Variants in FSD1L observed in about 807,000 individuals in gnomAD.
FSD1L encodes the protein fibronectin type III and SPRY domain containing 1 like.
FSD1L carries 45 observed loss-of-function variants against 71.6 expected under a neutral mutation model. The observed-to-expected ratio is 0.63, with a 90% CI of 0.49 to 0.81. The LOEUF (loss-of-function observed/expected upper bound fraction) is 0.81. FSD1L is among the 30% of genes least tolerant of loss of function. FSD1L has a pLI of 0.00. For synonymous variants in FSD1L, 197 were observed against 207.2 expected, an observed-to-expected ratio of 0.95 and a Z score of 0.42; for missense variants, 561 against 618.1, an observed-to-expected ratio of 0.91 and a Z score of 0.98.
At chr9:105,536,862 C>T (rs1376958110) in intron 12 of FSD1L, among the ~76,000 whole-genome samples, 2 of 152,132 alleles carry the variant, frequency 1.3e-5, no homozygotes, top group Non-Finnish European at 2.9e-5. Flanking sequence ...GTCTCAAACT[C>T]CTGACCTCAA....
upstream of FSD1L, among the ~76,000 whole-genome samples, chr9:105,446,120 A>G (rs1196390121): frequency 6.7e-6 from 1 of 150,086 alleles, no homozygotes; most frequent in African/African-American, 2.4e-5. Context: ...AAAAAATCAC[A>G]GTACAGTCAG....
chr9:105,476,903 A>G (rs1176508468), intron 5 of FSD1L, among the ~76,000 whole-genome samples: 1 of 152,234 alleles, frequency 6.6e-6, no homozygotes, highest in Non-Finnish European at 1.5e-5. Context: ...TTGCATTTAT[A>G]CAATATATAT....
chr9:105,536,398 T>C (rs1836265522), intron 12 of FSD1L, among the ~76,000 whole-genome samples: 1 of 152,176 alleles, frequency 6.6e-6, no homozygotes, highest in South Asian at 2.1e-4. Flanking sequence ...CTTTATAATC[T>C]CCTATGGCTG....
At chr9:105,524,278 T>G in intron 10 of FSD1L, 1 of 1,612,702 alleles carries the variant, frequency 6.2e-7, no homozygotes, top group South Asian at 1.1e-5. Context: ...ATGCTTCACA[T>G]GCTGGTTCAT....
intron 8 of FSD1L, 22 bp downstream of exon 8, chr9:105,506,630 ACT>A (rs1182924119): frequency 7.1e-7 from 1 of 1,403,730 alleles, no homozygotes; most frequent in Middle Eastern, 1.7e-4. Flanking sequence ...GCATTTTAGG[ACT>A]CTCATTCTCA....
upstream of FSD1L, among the ~76,000 whole-genome samples, chr9:105,444,924 A>T (rs1588888909): frequency 1.3e-5 from 2 of 152,362 alleles, no homozygotes; most frequent in South Asian, 4.1e-4. Flanking sequence ...AGATCCAGGG[A>T]TAAGGCTGGA....
chr9:105,520,154 C>T (rs909455410), intron 10 of FSD1L: 57 of 1,609,258 alleles, frequency 3.5e-5, no homozygotes, highest in African/African-American at 8.0e-5. Context: ...CGCACGGGGA[C>T]GTGAAGAAGT....
chr9:105,507,187 TTTTACTGTTTCAAGATTACC>T (rs1055624043), intron 8 of FSD1L, among the ~76,000 whole-genome samples: 1 of 152,232 alleles, frequency 6.6e-6, no homozygotes, highest in African/African-American at 2.4e-5. Flanking sequence ...ATACTGTAGC[TTTTACTGTTTCAAGATTACC>T]TTCATGTTAA....
chr9:105,469,582 C>G (rs974824550), intron 4 of FSD1L, among the ~76,000 whole-genome samples: 1 of 150,522 alleles, frequency 6.6e-6, no homozygotes, highest in African/African-American at 2.4e-5. Context: ...AGAGAAGTGT[C>G]TATTCAGGTT....
At position 105,478,933 on chromosome 9, in the gene FSD1L, C is replaced by A. The variant is rs114293660; in HGVS notation, c.442-421C>A. On this transcript the variant is annotated intron_variant, in intron 5 of 13. Coordinates refer to ENST00000481272, the MANE Select transcript of FSD1L (RefSeq NM_001145313.3). ...ACGATTATGAAGTAGTGAAAGAGAT[C>A]TCTGAAGAAAAATTAGAGAGTAAAT... 5.4e-3 allele frequency among the ~76,000 whole-genome samples: 822 copies of A among 152,276 alleles called. 5 individuals are homozygous for A. The highest frequency in any genetic ancestry group is 0.019 in the African/African-American group (785 of 41,546).
At chr9:105,494,350 A>G (rs1454185848) in intron 7 of FSD1L, among the ~76,000 whole-genome samples, 4 of 152,222 alleles carry the variant, frequency 2.6e-5, no homozygotes, top group African/African-American at 9.6e-5. Context: ...TTTCAGCTCC[A>G]TCAGCTCCTT....
In FSD1L at chr9:105,540,934, A is replaced by G. The variant is rs116453033; in HGVS notation, c.1467+1583A>G. Among the ~76,000 whole-genome samples the G allele has an allele frequency of 8.3e-3, 1,264 of 152,228 alleles. 20 individuals are homozygous for G. Among genetic ancestry groups the G allele is most frequent in the African/African-American group, 0.029 (1,208 of 41,550 alleles). ...CCGTGGGGAGTTGTGGGATCCAGTT[A>G]AAGTTACCATTACTTTGGCTAGAGC... On this transcript the variant is annotated intron_variant, in intron 13 of 13. Coordinates refer to ENST00000481272, the MANE Select transcript of FSD1L (RefSeq NM_001145313.3).
intron 13 of FSD1L, among the ~76,000 whole-genome samples, chr9:105,545,696 C>T (rs1371738070): frequency 6.6e-6 from 1 of 151,958 alleles, no homozygotes. Context: ...TGGTTTTTGT[C>T]TTTGGTTCTG....
At chr9:105,495,056 C>T (rs1170183752) in intron 7 of FSD1L, among the ~76,000 whole-genome samples, 3 of 152,182 alleles carry the variant, frequency 2.0e-5, no homozygotes, top group East Asian at 1.9e-4. Flanking sequence ...TTGAAGTCTG[C>T]AGAGGTTACT....
Position 105,551,759 on chromosome 9 carries a change from G to A in FSD1L, c.*5276G>A, listed in dbSNP as rs1837272975. On this transcript the variant is annotated 3_prime_UTR_variant, in exon 14 of 14. Coordinates refer to ENST00000481272, the MANE Select transcript of FSD1L (RefSeq NM_001145313.3). The stretch of plus-strand genomic sequence containing the variant: ...AAAAGCTCTTGCACAGCATTGTTGT[G>A]TCAGTGTAGAATAGTGGCATAAATA... 1 of 152,162 alleles carries A rather than the reference G, an allele frequency of 6.6e-6. No individual in the cohort carries two copies. Among genetic ancestry groups the A allele is most frequent in the Non-Finnish European group, 1.5e-5 (1 of 68,020 alleles). 9.4% of individuals were successfully genotyped at this position (152,162 alleles called of 1,614,324 possible).
chr9:105,540,559 A>G (rs1836546499), intron 13 of FSD1L, among the ~76,000 whole-genome samples: 1 of 152,158 alleles, frequency 6.6e-6, no homozygotes, highest in Non-Finnish European at 1.5e-5. Context: ...TGCATTTACA[A>G]TGCAAGTACA....
chr9:105,494,625 T>C (rs762077940), intron 7 of FSD1L, among the ~76,000 whole-genome samples: 1 of 152,194 alleles, frequency 6.6e-6, no homozygotes, highest in Non-Finnish European at 1.5e-5. Flanking sequence ...TCCCCATCTT[T>C]GTGGTTTTAT....
At chr9:105,522,851 A>T (rs1015566984) in intron 10 of FSD1L, 40 of 1,609,846 alleles carry the variant, frequency 2.5e-5, no homozygotes, top group Non-Finnish European at 3.3e-5. Flanking sequence ...GCAGCCTGGA[A>T]ATTCCCAAAG....
intron 10 of FSD1L, chr9:105,513,715 C>A: frequency 9.2e-7 from 1 of 1,084,252 alleles, no homozygotes; most frequent in Non-Finnish European, 1.3e-6. Context: ...ATCTTTTAAC[C>A]AATAAGCAGA....
Sources: gnomAD v4.1 joint callset for allele counts (sites outside exome capture counted in the v4.1 genomes callset) on GRCh38, gnomAD v4.1.1 for gene constraint, MANE v1.5 for transcripts, NCBI Gene and HGNC (gene_info 2026-07-23, HGNC 2026-07-21) for gene names.